PCGF3: variants seen among roughly 807,000 people sequenced by gnomAD.
PCGF3 encodes polycomb group ring finger 3.
A neutral mutation model predicts 33.1 loss-of-function variants in PCGF3; 7 were observed. That is an observed-to-expected ratio of 0.21 (90% CI 0.12 to 0.40). PCGF3 has a LOEUF of 0.40. PCGF3 is among the 10% of genes least tolerant of loss of function. The probability of loss-of-function intolerance (pLI) is 1.00; values close to 1 mark genes in which losing one functional copy is unlikely to be tolerated. For synonymous variants in PCGF3, 153 were observed against 121.3 expected (o/e 1.26, Z -1.72); for missense variants, 211 against 313.3 (o/e 0.67, Z 2.46).
At chr4:759,861 C>T (rs1744944160) in intron 8 of PCGF3, among the ~76,000 whole-genome samples, 1 of 77,716 alleles carries the variant, frequency 1.3e-5, no homozygotes, top group Admixed American at 1.2e-4. Context: ...GCCCCTCTCC[C>T]GAGTTGTTCT....
At chr4:734,193 T>G (rs898463878) in intron 4 of PCGF3, 2 of 1,538,330 alleles carry the variant, frequency 1.3e-6, no homozygotes, top group African/African-American at 2.7e-5. Context: ...AGTCTGTGCT[T>G]TGGTGTTAGA....
At chr4:752,894 G>A (rs1744589585) in intron 8 of PCGF3, among the ~76,000 whole-genome samples, 1 of 152,266 alleles carries the variant, frequency 6.6e-6, no homozygotes, top group African/African-American at 2.4e-5. Flanking sequence ...GATTGCCAGT[G>A]CCCTCCTGGT....
rs568347237 is a variant in PCGF3 at position 744,755 on chromosome 4, G to GC, written c.462+70dup. 892 of 371,980 alleles carry GC rather than the reference G, an allele frequency of 2.4e-3. 44 individuals are homozygous for GC. The highest frequency in any genetic ancestry group is 6.9e-3 in the South Asian group (257 of 37,462). The allele number at this position is 371,980 out of a possible 1,614,324, so 23.0% of individuals were successfully genotyped here. A position where few individuals can be genotyped will look rare whatever the true frequency, so the allele number is the denominator to read the frequency against. ...GTGGAGGCGTGAGCAGGTGGGCGGG[G>GC]CCCGGGGGTCGCTGCAGTGTTAGTG... On this transcript the variant is annotated intron_variant, in intron 8 of 10. Coordinates refer to ENST00000362003, the Ensembl canonical transcript of PCGF3.
At chr4:726,012 C>T (rs951687933) in intron 1 of PCGF3, among the ~76,000 whole-genome samples, 1 of 152,140 alleles carries the variant, frequency 6.6e-6, no homozygotes, top group Non-Finnish European at 1.5e-5. Context: ...GGATCGGCCC[C>T]GTCCACCGTG....
chr4:732,129 GGC>G (rs1444890462), intron 3 of PCGF3, among the ~76,000 whole-genome samples: 147 of 94,992 alleles, frequency 1.5e-3, no homozygotes, highest in East Asian at 3.2e-3. Context: ...GGTCCTCAGG[GGC>G]GTAGGGCGGG....
intron 1 of PCGF3, 63 bp downstream of exon 1, chr4:706,033 G>A (rs1260277346): frequency 6.6e-6 from 1 of 152,480 alleles, no homozygotes; most frequent in Admixed American, 6.5e-5. Flanking sequence ...TGCGGCCTCG[G>A]CCCGTGTCCG....
exon 11 of PCGF3, chr4:766,088 A>C (rs1234178879): frequency 1.9e-6 from 3 of 1,613,338 alleles, no homozygotes; most frequent in Non-Finnish European, 2.5e-6. Flanking sequence ...GAATGGTGCC[A>C]CACAGCGCCC....
At chr4:767,163 C>G (rs1745418831) in exon 11 of PCGF3, 1 of 152,238 alleles carries the variant, frequency 6.6e-6, no homozygotes, top group Non-Finnish European at 1.5e-5. Flanking sequence ...GGGTGAGCAG[C>G]TGAAGGGCTA....
At chr4:712,294 AT>A in intron 1 of PCGF3, among the ~76,000 whole-genome samples, 1 of 152,350 alleles carries the variant, frequency 6.6e-6, no homozygotes, top group African/African-American at 2.4e-5. Context: ...GCCTAGGTGC[AT>A]TTTTGTAGAA....
At chr4:769,088 CTCGGGCCACGCTG>C (rs1745507838) in exon 11 of PCGF3, 2 of 152,678 alleles carry the variant, frequency 1.3e-5, no homozygotes, top group Non-Finnish European at 2.9e-5. Flanking sequence ...CCAGTGATGC[CTCGGGCCACGCTG>C]TGGGGCCACC....
chr4:715,524 C>G, intron 1 of PCGF3, among the ~76,000 whole-genome samples: 1 of 141,734 alleles, frequency 7.1e-6, no homozygotes, highest in Non-Finnish European at 1.5e-5. Flanking sequence ...GGCGTCGGTG[C>G]TGGGACCCTG....
chr4:732,880 C>T (rs766694644), intron 3 of PCGF3, among the ~76,000 whole-genome samples: 1 of 152,246 alleles, frequency 6.6e-6, no homozygotes, highest in East Asian at 1.9e-4. Flanking sequence ...GCCTCAAGCA[C>T]AGAAGCAAAT....
exon 11 of PCGF3, chr4:768,564 C>T (rs567706755): frequency 9.5e-4 from 144 of 152,094 alleles, no homozygotes; most frequent in Middle Eastern, 3.4e-3. Context: ...TCACCTTATG[C>T]GTCGTTTTCA....
chr4:709,215 C>CGAAT (rs1553841082), intron 1 of PCGF3, among the ~76,000 whole-genome samples: 1 of 151,458 alleles, frequency 6.6e-6, no homozygotes, highest in African/African-American at 2.4e-5. Context: ...GATGCATGAA[C>CGAAT]GAATGAAAGG....
intron 10 of PCGF3, among the ~76,000 whole-genome samples, chr4:765,529 GTGCCAGCTGAGC>G (rs1315139298): frequency 6.6e-6 from 1 of 152,244 alleles, no homozygotes; most frequent in Non-Finnish European, 1.5e-5. Context: ...AGCTTGGAAG[GTGCCAGCTGAGC>G]TGCGAAGGGC....
exon 11 of PCGF3, chr4:769,577 G>C (rs1000074377): frequency 6.6e-6 from 1 of 152,654 alleles, no homozygotes; most frequent in Non-Finnish European, 1.5e-5. Context: ...ACCATAATTT[G>C]TACGGGACAG....
At chr4:766,452 T>A (rs925531019) in exon 11 of PCGF3, 1 of 176,650 alleles carries the variant, frequency 5.7e-6, no homozygotes, top group Non-Finnish European at 1.2e-5. Flanking sequence ...GAATTTTAGG[T>A]TTCATGATAA....
At chr4:758,332 GTTC>G (rs1376199505) in intron 8 of PCGF3, among the ~76,000 whole-genome samples, 28 of 149,686 alleles carry the variant, frequency 1.9e-4, no homozygotes, top group Admixed American at 1.4e-3. Context: ...CCTCTCCCGA[GTTC>G]TTCTCGCTCC....
exon 11 of PCGF3, chr4:769,157 G>C (rs886072421): frequency 2.0e-5 from 3 of 152,718 alleles, no homozygotes; most frequent in African/African-American, 4.8e-5. Flanking sequence ...CGTGCTTGTG[G>C]CCAGGCTGCC....
Sources: gnomAD v4.1 joint callset for allele counts (sites outside exome capture counted in the v4.1 genomes callset) on GRCh38, gnomAD v4.1.1 for gene constraint, MANE v1.5 for transcripts, NCBI Gene and HGNC (gene_info 2026-07-23, HGNC 2026-07-21) for gene names.